NTN4: variants seen among roughly 807,000 people sequenced by gnomAD.
NTN4 encodes the protein netrin 4.
Under a neutral mutation model 73.6 loss-of-function variants are expected in NTN4, and 32 were observed. The observed-to-expected ratio is 0.44, with a 90% CI of 0.33 to 0.58. The LOEUF is 0.58. NTN4 is among the 20% of genes least tolerant of loss of function. The probability of loss-of-function intolerance (pLI) is 0.04; values close to 1 mark genes in which losing one functional copy is unlikely to be tolerated. For missense variants in NTN4, 654 were observed against 798.3 expected (o/e 0.82, Z 2.18); for synonymous variants, 258 against 287.5 (o/e 0.90, Z 1.04).
At chr12:95,724,282 T>C (rs1017778407) in intron 3 of NTN4, among the ~76,000 whole-genome samples, 4 of 152,246 alleles carry the variant, frequency 2.6e-5, no homozygotes. Flanking sequence ...AAGATCATAC[T>C]GTTACCAATT....
intron 5 of NTN4, among the ~76,000 whole-genome samples, chr12:95,709,536 CTCTCT>C (rs1179411995): frequency 1.0e-4 from 14 of 138,144 alleles, no homozygotes; most frequent in Non-Finnish European, 1.4e-4. Context: ...CTCTCTCTCT[CTCTCT>C]TTTTTTTTTT....
chr12:95,743,858 T>A (rs1259888897), intron 2 of NTN4, among the ~76,000 whole-genome samples: 2 of 152,214 alleles, frequency 1.3e-5, no homozygotes, highest in Non-Finnish European at 2.9e-5. Context: ...TTTTGCTTCA[T>A]GTATTTTGAA....
intron 7 of NTN4, chr12:95,672,258 T>G: frequency 1.5e-6 from 1 of 688,000 alleles, no homozygotes; most frequent in East Asian, 2.6e-5. Flanking sequence ...CGGGCTGTGA[T>G]TCTAGAATCT....
Position 95,722,874 on chromosome 12 carries a change from T to C in NTN4, c.865-9536A>G, listed in dbSNP as rs372976688. On this transcript the variant is annotated intron_variant, in intron 3 of 9. Coordinates refer to ENST00000343702, the MANE Select transcript of NTN4 (RefSeq NM_021229.4). ...CTGTAATTCCACTTACTTGGGAGGCTGAGGCAGGAGAATCACTTGAACCCG... is the reference window on the plus strand; with the variant it reads ...CTGTAATTCCACTTACTTGGGAGGCCGAGGCAGGAGAATCACTTGAACCCG... Among the ~76,000 whole-genome samples, 13 of 141,986 alleles carry C rather than the reference T, an allele frequency of 9.2e-5. No homozygotes were observed. The East Asian group carries it at 1.7e-3, about 18-fold the overall frequency. 93.1% of individuals were successfully genotyped at this position (141,986 alleles called of 152,430 possible).
chr12:95,760,641 G>A (rs1177077398), intron 2 of NTN4, among the ~76,000 whole-genome samples: 1 of 149,676 alleles, frequency 6.7e-6, no homozygotes, highest in African/African-American at 2.5e-5. Flanking sequence ...GCACGGTCTT[G>A]TGCTGCCTGT....
chr12:95,702,858 GT>G (rs35050257), intron 5 of NTN4, among the ~76,000 whole-genome samples: 10,401 of 122,816 alleles, frequency 0.085, 375 homozygotes, highest in Non-Finnish European at 0.12. Flanking sequence ...TTTTTTTTTG[GT>G]TTTTTTTTTT....
chr12:95,732,528 G>A (rs747205236), intron 3 of NTN4, among the ~76,000 whole-genome samples: 4 of 150,594 alleles, frequency 2.7e-5, no homozygotes, highest in Admixed American at 6.6e-5. Flanking sequence ...CCCAATCTCC[G>A]GAGTATCTGG....
intron 9 of NTN4, among the ~76,000 whole-genome samples, chr12:95,661,989 C>T (rs1028290718): frequency 2.6e-5 from 4 of 152,070 alleles, no homozygotes; most frequent in African/African-American, 9.7e-5. Flanking sequence ...ACATGAAAAT[C>T]AACTGAAATT....
At chr12:95,748,476 CTTT>C (rs762351453) in intron 2 of NTN4, among the ~76,000 whole-genome samples, 1,767 of 105,956 alleles carry the variant, frequency 0.017, 10 homozygotes, top group Middle Eastern at 0.1. Flanking sequence ...ATTTTCTTTT[CTTT>C]TTTTTTTTTT....
intron 3 of NTN4, among the ~76,000 whole-genome samples, chr12:95,725,163 A>G (rs976354886): frequency 1.3e-5 from 2 of 152,136 alleles, no homozygotes; most frequent in Non-Finnish European, 2.9e-5. Flanking sequence ...TTAACAATAT[A>G]TAACTTCTAG....
At chr12:95,728,328 A>C (rs2078710580) in intron 3 of NTN4, among the ~76,000 whole-genome samples, 1 of 152,174 alleles carries the variant, frequency 6.6e-6, no homozygotes, top group Non-Finnish European at 1.5e-5. Context: ...CACCATATTG[A>C]ATAGAAGGGG....
chr12:95,776,265 C>G (rs1420431056), intron 2 of NTN4, among the ~76,000 whole-genome samples: 1 of 152,214 alleles, frequency 6.6e-6, no homozygotes, highest in African/African-American at 2.4e-5. Flanking sequence ...TCTCCTCCTC[C>G]AAAGGAACGC....
At chr12:95,673,411 C>T (rs1294413055) in intron 7 of NTN4, 2 of 209,424 alleles carry the variant, frequency 9.6e-6, no homozygotes, top group Admixed American at 1.1e-4. Context: ...TAAGCCATGA[C>T]CAATGAGGAG....
chr12:95,769,680 A>C (rs148664152), intron 2 of NTN4, among the ~76,000 whole-genome samples: 1 of 151,880 alleles, frequency 6.6e-6, no homozygotes, highest in Non-Finnish European at 1.5e-5. Flanking sequence ...TGAATGGTTG[A>C]AGTATGGACA....
chr12:95,687,402 T>G (rs1455337287), intron 5 of NTN4, among the ~76,000 whole-genome samples: 1 of 144,658 alleles, frequency 6.9e-6, no homozygotes, highest in African/African-American at 2.5e-5. Flanking sequence ...TTTTGTTTTT[T>G]TGTTTTTTTG....
Position 95,765,634 on chromosome 12 carries a change from G to A in NTN4, c.585+21305C>T, listed in dbSNP as rs145385218. Among the ~76,000 whole-genome samples the A allele has an allele frequency of 8.7e-3, 1,329 of 152,200 alleles. 7 individuals are homozygous for A. The highest frequency in any genetic ancestry group is 0.058 in the Middle Eastern group (17 of 294). ...TTTACCACCATATCCTTGGAGCCTC[G>A]GAAGGTGCTAGACATATAGAGGCAC... On this transcript the variant is annotated intron_variant, in intron 2 of 9. Transcript: ENST00000343702.
intron 2 of NTN4, among the ~76,000 whole-genome samples, chr12:95,758,220 C>T (rs2078960747): frequency 1.3e-5 from 2 of 152,164 alleles, no homozygotes; most frequent in African/African-American, 4.8e-5. Flanking sequence ...ATTTTAGTTG[C>T]TATACCTCCT....
At chr12:95,747,703 CTGAA>C (rs1396780646) in intron 2 of NTN4, among the ~76,000 whole-genome samples, 1 of 152,018 alleles carries the variant, frequency 6.6e-6, no homozygotes, top group Admixed American at 6.6e-5. Context: ...AATAATGTTA[CTGAA>C]TGAGTGAATC....
chr12:95,689,374 A>G (rs1419340887), intron 5 of NTN4, among the ~76,000 whole-genome samples: 3 of 152,184 alleles, frequency 2.0e-5, no homozygotes, highest in African/African-American at 7.2e-5. Flanking sequence ...TCTCTTGCAT[A>G]TAGCCCTTGT....
Sources: gnomAD v4.1 joint callset for allele counts (sites outside exome capture counted in the v4.1 genomes callset) on GRCh38, gnomAD v4.1.1 for gene constraint, MANE v1.5 for transcripts, NCBI Gene and HGNC (gene_info 2026-07-23, HGNC 2026-07-21) for gene names.